TLK2: variants seen among roughly 807,000 people sequenced by gnomAD.
The protein encoded by TLK2 is tousled like kinase 2, also known as serine/threonine-protein kinase tousled-like 2.
In TLK2, 6 loss-of-function variants were observed where a neutral mutation model predicts 117.3. The observed-to-expected ratio is 0.05, with a 90% CI of 0.03 to 0.10. TLK2 has a LOEUF of 0.10. Ranked by LOEUF, TLK2 falls within the 10% of genes least tolerant of loss-of-function variation. The pLI, the probability that TLK2 is intolerant of heterozygous loss-of-function variation, is 1.00. For synonymous variants in TLK2, 257 were observed against 316.7 expected (o/e 0.81, Z 2.00); for missense variants, 299 against 901.2 (o/e 0.33, Z 8.56).
chr17:62,521,138 C>T (rs538768461), intron 3 of TLK2, among the ~76,000 whole-genome samples: 2 of 152,238 alleles, frequency 1.3e-5, no homozygotes, highest in Admixed American at 1.3e-4. Context: ...CCATCCTGGG[C>T]GACAGAGTGA....
chr17:62,576,989 G>A (rs1160053109), intron 13 of TLK2, among the ~76,000 whole-genome samples: 5 of 35,860 alleles, frequency 1.4e-4, no homozygotes, highest in Admixed American at 1.1e-3. Flanking sequence ...TTGAGTTGGA[G>A]TCTCACTGTG....
At chr17:62,598,162 T>C (rs1598853142) in intron 17 of TLK2, among the ~76,000 whole-genome samples, 2 of 152,310 alleles carry the variant, frequency 1.3e-5, no homozygotes, top group South Asian at 4.1e-4. Flanking sequence ...TAAAAAGATC[T>C]AGTTAGAAGG....
chr17:62,551,598 G>C (rs567252600), intron 7 of TLK2: 1 of 152,310 alleles, frequency 6.6e-6, no homozygotes, highest in African/African-American at 2.4e-5. Flanking sequence ...CCAGCTACTC[G>C]GGAGGCTGAG....
chr17:62,552,576 T>C (rs1024525482), intron 8 of TLK2, among the ~76,000 whole-genome samples, 179 bp downstream of exon 8: 5 of 152,240 alleles, frequency 3.3e-5, no homozygotes, highest in African/African-American at 1.2e-4. Flanking sequence ...GAAGGTGCTT[T>C]AACTTTTTGA....
chr17:62,539,067 G>T (rs2145892119), intron 7 of TLK2, among the ~76,000 whole-genome samples: 1 of 152,290 alleles, frequency 6.6e-6, no homozygotes, highest in African/African-American at 2.4e-5. Flanking sequence ...TGGTGTAGGT[G>T]ATAGTTTAGA....
Position 62,545,058 on chromosome 17 carries a change from G to T in TLK2, c.532-7244G>T, listed in dbSNP as rs1476442666. Among the ~76,000 whole-genome samples the T allele has an allele frequency of 2.6e-5, 4 of 152,150 alleles. No individual in the cohort carries two copies. In the East Asian group the frequency reaches 7.7e-4, roughly 29 times the overall value. ...TGTTGATCTGTCATGATGGAGTCTT[G>T]CTCTTTTGCCTAGGCTGTAGTGCAG... On this transcript the variant is annotated intron_variant, in intron 7 of 21. Coordinates refer to ENST00000346027, the MANE Select transcript of TLK2 (RefSeq NM_006852.6).
chr17:62,497,915 C>T (rs916307581), intron 2 of TLK2, among the ~76,000 whole-genome samples: 19 of 152,104 alleles, frequency 1.2e-4, no homozygotes, highest in African/African-American at 3.9e-4. Context: ...AGGCTGGTCT[C>T]GAACTCCTGA....
At chr17:62,574,224 TC>T in intron 12 of TLK2, 1 of 1,422,370 alleles carries the variant, frequency 7.0e-7, no homozygotes. Flanking sequence ...GCATCTTCTT[TC>T]ATTCTAGTGA....
At chr17:62,507,871 A>G (rs2465420) in intron 2 of TLK2, among the ~76,000 whole-genome samples, 50,363 of 151,442 alleles carry the variant, frequency 0.33, 8,590 homozygotes, top group Admixed American at 0.4. Flanking sequence ...ATCCCCCTAG[A>G]AAAAAAAGTA....
chr17:62,533,588 T>G (rs2076909186), intron 6 of TLK2, among the ~76,000 whole-genome samples: 1 of 151,848 alleles, frequency 6.6e-6, no homozygotes, highest in South Asian at 2.1e-4. Flanking sequence ...GTGATTCTCA[T>G]GCCTCAGCTT....
At chr17:62,479,865 T>C (rs1355750089) in intron 1 of TLK2, among the ~76,000 whole-genome samples, 1 of 152,254 alleles carries the variant, frequency 6.6e-6, no homozygotes. Flanking sequence ...TGGGAGAGAC[T>C]GCAACCTTTG....
intron 6 of TLK2, among the ~76,000 whole-genome samples, chr17:62,525,204 T>C (rs1034913367): frequency 2.0e-5 from 3 of 152,212 alleles, no homozygotes; most frequent in African/African-American, 7.2e-5. Context: ...TTTAGATCAC[T>C]GATTTTTAGG....
chr17:62,499,793 T>C (rs910179139), intron 2 of TLK2, among the ~76,000 whole-genome samples: 3 of 151,646 alleles, frequency 2.0e-5, no homozygotes, highest in Non-Finnish European at 4.4e-5. Context: ...AGAGGTTGCA[T>C]TGAGCTGAGA....
intron 10 of TLK2, among the ~76,000 whole-genome samples, chr17:62,562,541 G>A (rs2079376281): frequency 1.3e-5 from 2 of 152,154 alleles, no homozygotes; most frequent in Admixed American, 1.3e-4. Context: ...ATACGCAAAT[G>A]GCAAGCATGA....
At chr17:62,598,802 C>T (rs574942238) in intron 17 of TLK2, among the ~76,000 whole-genome samples, 5 of 152,032 alleles carry the variant, frequency 3.3e-5, no homozygotes, top group Admixed American at 1.3e-4. Context: ...GGATTACAGG[C>T]TTGAGCCACC....
intron 2 of TLK2, among the ~76,000 whole-genome samples, chr17:62,492,839 C>T (rs551552481): frequency 2.0e-5 from 3 of 151,642 alleles, no homozygotes; most frequent in East Asian, 3.9e-4. Context: ...GGTTCAAGCC[C>T]ATAATTTCAC....
At chr17:62,523,280 T>A in intron 5 of TLK2, 103 bp downstream of exon 5, 1 of 1,464,066 alleles carries the variant, frequency 6.8e-7, no homozygotes, top group Non-Finnish European at 9.1e-7. Flanking sequence ...ATTTGAGGCT[T>A]TAGAAAGTAA....
At position 62,516,430 on chromosome 17, in the gene TLK2, C is replaced by T. The variant is rs548313680; in HGVS notation, c.82-4343C>T. Reference sequence around the variant, plus strand: ...CTTGTCGGCACCAGGTAGCACAGCACTCCTCATATACAGACCTTTAGGCCG... The same window carrying T: ...CTTGTCGGCACCAGGTAGCACAGCATTCCTCATATACAGACCTTTAGGCCG... On this transcript the variant is annotated intron_variant, in intron 2 of 21. Coordinates refer to ENST00000346027, the MANE Select transcript of TLK2 (RefSeq NM_006852.6). 3.1e-4 allele frequency: 498 copies of T among 1,591,676 alleles called. 4 individuals are homozygous for T. The Middle Eastern group carries it at 7.7e-3, about 25-fold the overall frequency.
At chr17:62,510,805 T>C (rs1567819665) in intron 2 of TLK2, among the ~76,000 whole-genome samples, 2 of 152,264 alleles carry the variant, frequency 1.3e-5, no homozygotes, top group Non-Finnish European at 2.9e-5. Flanking sequence ...GGCTTCAACA[T>C]AGGAATTTTG....
Sources: allele counts gnomAD v4.1 joint callset (sites outside exome capture counted in the v4.1 genomes callset), GRCh38; gene constraint gnomAD v4.1.1; transcripts MANE v1.5; gene names NCBI Gene and HGNC (gene_info 2026-07-23, HGNC 2026-07-21).